Variants in HDLBP observed in about 807,000 individuals in gnomAD.
HDLBP encodes the protein vigilin.
HDLBP carries 30 observed loss-of-function variants against 137.3 expected under a neutral mutation model. The ratio of observed to expected loss-of-function variants is 0.22; its 90% CI spans 0.16 to 0.30. The LOEUF (loss-of-function observed/expected upper bound fraction) is 0.30. Among genes scored for constraint, HDLBP ranks in the 10% least tolerant of loss-of-function variants. The pLI is 1.00. For synonymous variants in HDLBP, 606 were observed against 596.0 expected, an observed-to-expected ratio of 1.02 and a Z score of -0.24; for missense variants, 1,119 against 1,667.3, an observed-to-expected ratio of 0.67 and a Z score of 5.73.
At chr2:241,236,983 G>GCA (rs1559482488) in intron 20 of HDLBP, among the ~76,000 whole-genome samples, 24 of 107,316 alleles carry the variant, frequency 2.2e-4, no homozygotes, top group Non-Finnish European at 3.4e-4. Flanking sequence ...ACCTTGGGGG[G>GCA]GGGGGGGGGG....
intron 5 of HDLBP, among the ~76,000 whole-genome samples, chr2:241,260,203 G>T (rs10933543): frequency 4.0e-5 from 6 of 151,592 alleles, no homozygotes; most frequent in African/African-American, 1.5e-4. Flanking sequence ...ATGGGGTTTC[G>T]CCATACTGGC....
At chr2:241,255,343 G>A in intron 8 of HDLBP, 31 bp downstream of exon 8, 1 of 1,593,278 alleles carries the variant, frequency 6.3e-7, no homozygotes, top group Non-Finnish European at 8.6e-7. Context: ...TCCACTCAAA[G>A]GAGACACACT....
chr2:241,242,873 A>G, intron 16 of HDLBP, 195 bp from the exon 17 acceptor site: 1 of 599,448 alleles, frequency 1.7e-6, no homozygotes, highest in Non-Finnish European at 3.0e-6. Context: ...CGTCCTGGGG[A>G]GAGTGGGGTG....
At chr2:241,243,047 G>A (rs2071397047) in intron 16 of HDLBP, among the ~76,000 whole-genome samples, 1 of 152,178 alleles carries the variant, frequency 6.6e-6, no homozygotes, top group Admixed American at 6.5e-5. Flanking sequence ...GGCTCCATAT[G>A]CCTATGGATA....
intron 2 of HDLBP, chr2:241,267,887 C>CG: frequency 1.0e-6 from 1 of 985,440 alleles, no homozygotes; most frequent in Non-Finnish European, 1.2e-6. Context: ...ATTAGCACAG[C>CG]CACAGTGCTC....
At position 241,228,107 on chromosome 2, in the gene HDLBP, G is replaced by C. The variant is rs1244629785; in HGVS notation, c.*1494C>G. On this transcript the variant is annotated 3_prime_UTR_variant, in exon 28 of 28. Coordinates refer to ENST00000310931, the MANE Select transcript of HDLBP (RefSeq NM_005336.6). ...ATGACCAAGCTTGAGTTATTCAACT[G>C]AGAGTGAGGTGTCAAGGCGGAAGCG... 1 of 152,256 alleles carries C rather than the reference G, an allele frequency of 6.6e-6. No individual in the cohort carries two copies. Among genetic ancestry groups the C allele is most frequent in the Non-Finnish European group, 1.5e-5 (1 of 68,050 alleles). 9.4% of individuals were successfully genotyped at this position (152,256 alleles called of 1,614,324 possible).
intron 21 of HDLBP, 36 bp downstream of exon 21, chr2:241,236,579 T>G (rs1413821759): frequency 1.2e-6 from 2 of 1,609,248 alleles, no homozygotes; most frequent in South Asian, 2.2e-5. Flanking sequence ...TGACTGGGCC[T>G]TGGCGGGGGG....
At chr2:241,271,074 TC>T (rs1184084108) in intron 1 of HDLBP, 33 of 985,298 alleles carry the variant, frequency 3.3e-5, no homozygotes, top group Non-Finnish European at 3.9e-5. Context: ...ACAACTTCTT[TC>T]CCCTTTCTGG....
intron 5 of HDLBP, among the ~76,000 whole-genome samples, chr2:241,260,939 C>T (rs2073111841): frequency 6.6e-6 from 1 of 152,100 alleles, no homozygotes; most frequent in South Asian, 2.1e-4. Context: ...ACCTGTAATT[C>T]CAACACTTTG....
At chr2:241,262,679 C>A in intron 5 of HDLBP, 32 bp downstream of exon 5, 1 of 1,527,482 alleles carries the variant, frequency 6.5e-7, no homozygotes, top group South Asian at 1.1e-5. Flanking sequence ...GGTACACAGT[C>A]ACTGGGGAGA....
At chr2:241,268,811 CA>C (rs2073867071) in intron 1 of HDLBP, 2 of 152,168 alleles carry the variant, frequency 1.3e-5, no homozygotes, top group Non-Finnish European at 2.9e-5. Flanking sequence ...TTTTAAGTGC[CA>C]AACTTCTAAA....
intron 1 of HDLBP, among the ~76,000 whole-genome samples, chr2:241,288,402 T>C (rs10195690): frequency 1.0e-3 from 28 of 27,342 alleles, no homozygotes; most frequent in East Asian, 7.3e-3. Context: ...CCTGCACAAC[T>C]AAGAACAATT....
At position 241,272,112 on chromosome 2, in the gene HDLBP, G is replaced by A. The variant is rs956922649; in HGVS notation, c.-102-3571C>T. The A allele has an allele frequency of 6.0e-6, 5 of 835,140 alleles. No individual in the cohort carries two copies. Among genetic ancestry groups the A allele is most frequent in the African/African-American group, 5.5e-5 (3 of 54,472 alleles). 51.7% of individuals were successfully genotyped at this position (835,140 alleles called of 1,614,324 possible). A position where few individuals can be genotyped will look rare whatever the true frequency, so the allele number is the denominator to read the frequency against. On this transcript the variant is annotated intron_variant, in intron 1 of 27. Coordinates refer to ENST00000310931, the MANE Select transcript of HDLBP (RefSeq NM_005336.6). This position sits in a 1 kb window ranked among gnomAD's most constrained non-coding sequence, Gnocchi z 5.6. ...TTTTTCATCCACGACCCTGGGGCAC[G>A]TCCAAGTTGCACTCCAGGCCCAAGA...
chr2:241,238,975 G>T lies in HDLBP; in HGVS notation c.2611-188C>A, dbSNP rs916471569. Among the ~76,000 whole-genome samples the T allele has an allele frequency of 6.6e-6, 1 of 152,186 alleles. No homozygotes were observed. The highest frequency in any genetic ancestry group is 6.5e-5 in the Admixed American group (1 of 15,282). On this transcript the variant is annotated intron_variant, in intron 19 of 27. Coordinates refer to ENST00000310931, the MANE Select transcript of HDLBP (RefSeq NM_005336.6). The surrounding 1 kb of genome is among the most constrained non-coding windows in gnomAD (Gnocchi z 4.9). ...GAGGTAGCAGGACAGGTCTAAGGGG[G>T]TGGGCCTCCTCTGAAATGTGTCCCA...
At chr2:241,271,494 A>G (rs573062053) in intron 1 of HDLBP, among the ~76,000 whole-genome samples, 2 of 152,306 alleles carry the variant, frequency 1.3e-5, no homozygotes, top group Admixed American at 1.3e-4. Flanking sequence ...CACAAGTCTA[A>G]CAGGTTTCTG....
At chr2:241,292,491 C>T (rs2075042200) in intron 1 of HDLBP, among the ~76,000 whole-genome samples, 1 of 152,126 alleles carries the variant, frequency 6.6e-6, no homozygotes, top group Non-Finnish European at 1.5e-5. Context: ...TGTAAAAAGG[C>T]TTTTTATGAC....
chr2:241,312,586 G>C (rs186850355), intron 1 of HDLBP, among the ~76,000 whole-genome samples: 39 of 152,258 alleles, frequency 2.6e-4, no homozygotes, highest in Admixed American at 3.9e-4. Context: ...TTTGGACTTT[G>C]TGTCATCATA....
rs560787314 is a variant in HDLBP at position 241,275,822 on chromosome 2, ATTCT to A, written c.-102-7285_-102-7282del. On this transcript the variant is annotated intron_variant, in intron 1 of 27. Transcript: ENST00000310931. ...AATAACTGTCAATTTGGATTTAAGAATTCTTTTTCATTTAAGAATGAGAATAGAC... is the reference window on the plus strand; with the variant it reads ...AATAACTGTCAATTTGGATTTAAGAATTTTCATTTAAGAATGAGAATAGAC... 1.2e-3 allele frequency among the ~76,000 whole-genome samples: 182 copies of A among 152,330 alleles called. 2 individuals carry two copies. The highest frequency in any genetic ancestry group is 4.0e-3 in the African/African-American group (167 of 41,570).
At chr2:241,267,435 C>G in intron 2 of HDLBP, 1 of 734,502 alleles carries the variant, frequency 1.4e-6, no homozygotes, top group Non-Finnish European at 2.3e-6. Flanking sequence ...CACAGAGACA[C>G]AGTCAACACC....
Sources: gnomAD v4.1 joint callset for allele counts (sites outside exome capture counted in the v4.1 genomes callset) on GRCh38, gnomAD v4.1.1 for gene constraint, Gnocchi (gnomAD v3.1) non-coding constraint, MANE v1.5 for transcripts, NCBI Gene and HGNC (gene_info 2026-07-23, HGNC 2026-07-21) for gene names.